Variants in NSMCE2 observed in about 807,000 individuals in gnomAD.
The protein encoded by NSMCE2 is NSE2 SUMO ligase component of SMC5/6 complex, also known as E3 SUMO-protein ligase NSE2.
In NSMCE2, 24 loss-of-function variants were observed where a neutral mutation model predicts 23.8. The observed-to-expected ratio is 1.01, with a 90% confidence interval of 0.73 to 1.42. The LOEUF is 1.42. Ranked by LOEUF, NSMCE2 falls within the 40% of genes most tolerant of loss-of-function variation. The pLI is 0.00. For missense variants in NSMCE2, 284 were observed against 296.5 expected, an observed-to-expected ratio of 0.96 and a Z score of 0.31; for synonymous variants, 92 against 94.1, an observed-to-expected ratio of 0.98 and a Z score of 0.13.
At chr8:125,291,356 T>C (rs1249530263) in intron 5 of NSMCE2, among the ~76,000 whole-genome samples, 3 of 152,230 alleles carry the variant, frequency 2.0e-5, no homozygotes. Flanking sequence ...TATAAAATTT[T>C]AATAAATTTA....
chr8:125,335,955 T>C (rs1443950998), intron 5 of NSMCE2, among the ~76,000 whole-genome samples: 2 of 152,178 alleles, frequency 1.3e-5, no homozygotes, highest in Non-Finnish European at 2.9e-5. Flanking sequence ...ATATATGACA[T>C]TGTACTAAGA....
intron 6 of NSMCE2, 107 bp downstream of exon 6, chr8:125,357,426 G>A (rs1813329627): frequency 1.2e-6 from 1 of 822,440 alleles, no homozygotes. Flanking sequence ...GTTAAGGAGG[G>A]AGTAAAGAAA....
intron 5 of NSMCE2, among the ~76,000 whole-genome samples, chr8:125,250,217 T>C (rs1307291158): frequency 6.6e-6 from 1 of 152,204 alleles, no homozygotes; most frequent in Non-Finnish European, 1.5e-5. Context: ...CTAGAACTCC[T>C]GACCTTGGGT....
At chr8:125,160,274 T>C (rs989679578) in intron 4 of NSMCE2, among the ~76,000 whole-genome samples, 1 of 152,166 alleles carries the variant, frequency 6.6e-6, no homozygotes, top group Non-Finnish European at 1.5e-5. Context: ...GTCACACTAA[T>C]TTATAAGGTT....
At chr8:125,270,084 G>A (rs1827115806) in intron 5 of NSMCE2, among the ~76,000 whole-genome samples, 1 of 152,204 alleles carries the variant, frequency 6.6e-6, no homozygotes, top group Non-Finnish European at 1.5e-5. Context: ...GAGAGAGAGT[G>A]TAGCTAGAAT....
At chr8:125,094,939 A>C (rs1817856376) in intron 1 of NSMCE2, among the ~76,000 whole-genome samples, 1 of 152,134 alleles carries the variant, frequency 6.6e-6, no homozygotes, top group African/African-American at 2.4e-5. Flanking sequence ...CTGCAACCTC[A>C]ACCTCCCGGC....
Position 125,253,835 on chromosome 8 carries a change from C to T in NSMCE2, c.418+71579C>T, listed in dbSNP as rs189592042. ...TTGGAGGAAAAAGAAAAAGTTTATT[C>T]CTTTGGGGAAAATTAATTTTACTTT... On this transcript the variant is annotated intron_variant, in intron 5 of 7. Coordinates refer to ENST00000287437, the MANE Select transcript of NSMCE2 (RefSeq NM_173685.4). Among the ~76,000 whole-genome samples the T allele has an allele frequency of 5.5e-3, 830 of 152,186 alleles. 5 individuals carry two copies. The highest frequency in any genetic ancestry group is 9.8e-3 in the Non-Finnish European group (666 of 67,982).
chr8:125,211,496 G>A (rs750311063), intron 5 of NSMCE2, among the ~76,000 whole-genome samples: 2 of 152,152 alleles, frequency 1.3e-5, no homozygotes, highest in Non-Finnish European at 2.9e-5. Context: ...GTCACCTGAT[G>A]GTGGGCTTAG....
chr8:125,262,300 C>T (rs927343226), intron 5 of NSMCE2, among the ~76,000 whole-genome samples: 1 of 151,802 alleles, frequency 6.6e-6, no homozygotes, highest in African/African-American at 2.4e-5. Context: ...TGGCAGGTGC[C>T]TATAGTCCCA....
intron 7 of NSMCE2, among the ~76,000 whole-genome samples, chr8:125,366,301 G>A (rs887322427): frequency 1.3e-5 from 2 of 152,220 alleles, no homozygotes; most frequent in African/African-American, 4.8e-5. Context: ...AGCACTTTGG[G>A]AGGCCGAGGC....
chr8:125,145,828 C>T (rs145001090), intron 3 of NSMCE2, among the ~76,000 whole-genome samples: 2 of 152,272 alleles, frequency 1.3e-5, no homozygotes, highest in Non-Finnish European at 2.9e-5. Context: ...CTGCTTTCAT[C>T]TCTGTTGCTG....
At chr8:125,299,966 A>G (rs562191658) in intron 5 of NSMCE2, among the ~76,000 whole-genome samples, 356 of 151,238 alleles carry the variant, frequency 2.4e-3, no homozygotes, top group African/African-American at 7.7e-3. Context: ...CTACAGGTGC[A>G]CGCCATCATG....
At chr8:125,198,356 T>C (rs927763473) in intron 5 of NSMCE2, among the ~76,000 whole-genome samples, 6 of 152,158 alleles carry the variant, frequency 3.9e-5, no homozygotes, top group Non-Finnish European at 4.4e-5. Flanking sequence ...TTTTGAGATA[T>C]GTTGCATCGA....
intron 5 of NSMCE2, among the ~76,000 whole-genome samples, chr8:125,239,975 A>G (rs746549371): frequency 2.0e-5 from 3 of 152,142 alleles, no homozygotes; most frequent in Non-Finnish European, 4.4e-5. Flanking sequence ...TGCTGAGGCC[A>G]CTGTCAGCCT....
chr8:125,100,980 C>G (rs1818158710), intron 1 of NSMCE2, among the ~76,000 whole-genome samples: 1 of 152,174 alleles, frequency 6.6e-6, no homozygotes, highest in Non-Finnish European at 1.5e-5. Context: ...ATCTTGAAAA[C>G]TGTGGTATTC....
At chr8:125,233,591 T>C (rs974950101) in intron 5 of NSMCE2, among the ~76,000 whole-genome samples, 1 of 152,224 alleles carries the variant, frequency 6.6e-6, no homozygotes, top group African/African-American at 2.4e-5. Context: ...CTTGAATTTT[T>C]TTCCGAAATG....
At chr8:125,276,318 G>C (rs1351307891) in intron 5 of NSMCE2, among the ~76,000 whole-genome samples, 1 of 152,118 alleles carries the variant, frequency 6.6e-6, no homozygotes, top group Non-Finnish European at 1.5e-5. Flanking sequence ...CTTCCAACTT[G>C]CTGTTGCTGT....
intron 4 of NSMCE2, among the ~76,000 whole-genome samples, chr8:125,157,588 CAG>C (rs1181159278): frequency 6.6e-6 from 1 of 152,126 alleles, no homozygotes; most frequent in South Asian, 2.1e-4. Context: ...GCCTAATAAA[CAG>C]AGACAGAGAC....
intron 5 of NSMCE2, among the ~76,000 whole-genome samples, chr8:125,270,191 G>A (rs1013630315): frequency 5.3e-5 from 8 of 152,324 alleles, no homozygotes; most frequent in African/African-American, 1.9e-4. Context: ...AAAGGTCCAG[G>A]TGCGGTGACT....
Sources: gnomAD v4.1 joint callset for allele counts (sites outside exome capture counted in the v4.1 genomes callset) on GRCh38, gnomAD v4.1.1 for gene constraint, MANE v1.5 for transcripts, NCBI Gene and HGNC (gene_info 2026-07-23, HGNC 2026-07-21) for gene names.